Variants in CD96 observed in about 807,000 individuals in gnomAD.
The protein encoded by CD96 is T-cell surface protein tactile.
Under a neutral mutation model 71.3 loss-of-function variants are expected in CD96, and 70 were observed. That is an observed-to-expected ratio of 0.98 (90% CI 0.81 to 1.20). The LOEUF (loss-of-function observed/expected upper bound fraction) is 1.20, where lower values mean the gene tolerates loss of function less well. Among genes scored for constraint, CD96 ranks in the 50% most tolerant of loss-of-function variants. The pLI is 0.00. For missense variants in CD96, 742 were observed against 677.5 expected, an observed-to-expected ratio of 1.10 and a Z score of -1.06; for synonymous variants, 248 against 233.0, an observed-to-expected ratio of 1.06 and a Z score of -0.59.
Position 111,585,342 on chromosome 3 carries a change from G to GGAA in CD96, c.771_772insGAA (p.Val257_Ile258insGlu), listed in dbSNP as rs773005384. 8.1e-6 allele frequency: 13 copies of GGAA among 1,611,490 alleles called. No homozygotes were observed. The highest frequency in any genetic ancestry group is 1.1e-5 in the Non-Finnish European group (13 of 1,177,820). On this transcript the variant is annotated inframe_insertion, in exon 5 of 14. Coordinates refer to ENST00000352690, the MANE Select transcript of CD96 (RefSeq NM_005816.5). ...TTTAAGCTAAACCAGAAATCCCTGT[G>GGAA]ATTGTGGAAAATAACTCCACGGATG...
intron 4 of CD96, among the ~76,000 whole-genome samples, chr3:111,581,985 G>A (rs528299806): frequency 6.6e-6 from 1 of 152,308 alleles, no homozygotes; most frequent in Non-Finnish European, 1.5e-5. Context: ...CATAGGTTTA[G>A]AGCTCATCTT....
intron 8 of CD96, among the ~76,000 whole-genome samples, chr3:111,619,048 A>G (rs1938391435): frequency 6.6e-6 from 1 of 152,206 alleles, no homozygotes; most frequent in Non-Finnish European, 1.5e-5. Flanking sequence ...TAGGTCTTCT[A>G]GCCTTCCTCT....
chr3:111,578,289 G>C (rs568888552), intron 3 of CD96, among the ~76,000 whole-genome samples: 2 of 152,140 alleles, frequency 1.3e-5, no homozygotes, highest in Non-Finnish European at 2.9e-5. Context: ...ATCACAGACC[G>C]AAGAAAGGAT....
At chr3:111,577,775 G>C (rs535746893) in intron 3 of CD96, among the ~76,000 whole-genome samples, 4 of 152,176 alleles carry the variant, frequency 2.6e-5, no homozygotes, top group Admixed American at 1.3e-4. Context: ...CTTGAATGTG[G>C]TTTCCATTTC....
chr3:111,591,147 C>T (rs566521730), intron 5 of CD96, among the ~76,000 whole-genome samples: 31 of 152,078 alleles, frequency 2.0e-4, no homozygotes, highest in Admixed American at 3.9e-4. Flanking sequence ...GGCCGAGGTG[C>T]GCGGATCATG....
chr3:111,646,766 C>A (rs755006674), intron 12 of CD96, among the ~76,000 whole-genome samples: 1 of 151,994 alleles, frequency 6.6e-6, no homozygotes, highest in Non-Finnish European at 1.5e-5. Flanking sequence ...CACATGGACA[C>A]GTATGTTTAT....
At chr3:111,583,467 A>ACT (rs1222273736) in intron 4 of CD96, among the ~76,000 whole-genome samples, 1 of 152,006 alleles carries the variant, frequency 6.6e-6, no homozygotes, top group East Asian at 1.9e-4. Flanking sequence ...CCCATTAGGG[A>ACT]CTCTGTGTGG....
Position 111,554,698 on chromosome 3 carries a change from G to A in CD96, c.418+9296G>A, listed in dbSNP as rs182959105. Among the ~76,000 whole-genome samples the A allele has an allele frequency of 7.9e-5, 12 of 152,168 alleles. No homozygotes were observed. The East Asian group carries it at 2.3e-3, about 29-fold the overall frequency. On this transcript the variant is annotated intron_variant, in intron 2 of 13. Transcript: ENST00000352690. ...TTTGACACTAGGTACCGGCATGGAAGACAACTTTTCCATAGACTGTGGTGG... is the reference window on the plus strand; with the variant it reads ...TTTGACACTAGGTACCGGCATGGAAAACAACTTTTCCATAGACTGTGGTGG...
intron 5 of CD96, among the ~76,000 whole-genome samples, chr3:111,595,707 T>TTA (rs951029868): frequency 6.0e-5 from 9 of 150,694 alleles, no homozygotes; most frequent in African/African-American, 2.2e-4. Context: ...CACATATATA[T>TTA]TATATATATA....
rs1368170045 is a variant in CD96 at position 111,650,416 on chromosome 3, C to G, written c.*610C>G. On this transcript the variant is annotated 3_prime_UTR_variant, in exon 14 of 14. Transcript: ENST00000352690. ...TTCCTACCATGTTCAGCCCAGACTC[C>G]TGCCACATGGACCAGGATGAAGAGG... is the stretch of plus-strand genomic sequence containing the variant. The G allele has an allele frequency of 6.3e-6, 1 of 158,828 alleles. No individual in the cohort carries two copies. The highest frequency in any genetic ancestry group is 2.4e-5 in the African/African-American group (1 of 41,486). The allele number at this position is 158,828 out of a possible 1,614,324, so 9.8% of individuals were successfully genotyped here.
At chr3:111,659,839 A>T (rs1281118266) in intron 14 of CD96, among the ~76,000 whole-genome samples, 1 of 152,222 alleles carries the variant, frequency 6.6e-6, no homozygotes, top group Non-Finnish European at 1.5e-5. Flanking sequence ...TTTCATGAAA[A>T]AATTCCTCAA....
At position 111,647,533 on chromosome 3, in the gene CD96, C is replaced by T. The variant is rs756591700; in HGVS notation, c.1478-10C>T. 1.2e-6 allele frequency: 2 copies of T among 1,610,750 alleles called. No homozygotes were observed. Among genetic ancestry groups the T allele is most frequent in the South Asian group, 1.1e-5 (1 of 91,004 alleles). On this transcript the variant is annotated splice_polypyrimidine_tract_variant and intron_variant, in intron 12 of 13. Coordinates refer to ENST00000352690, the MANE Select transcript of CD96 (RefSeq NM_005816.5). The stretch of plus-strand genomic sequence containing the variant: ...GGATTAAAGTTCATCTTTCTTTATG[C>T]CCTTTTCAGGTATTGTGGTCAATAA...
chr3:111,596,696 A>G (rs1235187600), intron 5 of CD96, among the ~76,000 whole-genome samples: 1 of 152,198 alleles, frequency 6.6e-6, no homozygotes, highest in Non-Finnish European at 1.5e-5. Context: ...CTGGAGATAA[A>G]AATCAATCTT....
At chr3:111,604,504 T>C (rs1022351653) in intron 7 of CD96, among the ~76,000 whole-genome samples, 1 of 152,234 alleles carries the variant, frequency 6.6e-6, no homozygotes, top group Non-Finnish European at 1.5e-5. Context: ...CATGTTTAGG[T>C]CCCACATTTT....
chr3:111,588,199 A>G (rs4682290), intron 5 of CD96, among the ~76,000 whole-genome samples: 63,312 of 152,022 alleles, frequency 0.42, 14,759 homozygotes, highest in South Asian at 0.52. Context: ...TACCTCTTGC[A>G]TGCTTTGCTG....
intron 7 of CD96, among the ~76,000 whole-genome samples, chr3:111,605,776 A>G (rs1001927160): frequency 1.2e-4 from 18 of 152,240 alleles, no homozygotes; most frequent in African/African-American, 4.1e-4. Flanking sequence ...CAAGTGACAT[A>G]ATGTAAGTAA....
chr3:111,644,927 T>C (rs1939758133), intron 12 of CD96, among the ~76,000 whole-genome samples: 5 of 152,166 alleles, frequency 3.3e-5, no homozygotes, highest in Admixed American at 3.3e-4. Flanking sequence ...TGTAAACTAG[T>C]ACAGCCACTA....
chr3:111,624,522 A>G lies in CD96; in HGVS notation c.1321+118A>G, dbSNP rs572082103. ...TAATATTTGCAAATGTTCACAAAGC[A>G]TCTATCATGTTTAAAGTATTGTTGT... On this transcript the variant is annotated intron_variant, in intron 10 of 13. Transcript: ENST00000352690. 2.3e-3 allele frequency: 1,719 copies of G among 734,934 alleles called. 4 individuals carry two copies. The highest frequency in any genetic ancestry group is 3.2e-3 in the Non-Finnish European group (1,296 of 405,562). The allele number at this position is 734,934 out of a possible 1,614,324, so 45.5% of individuals were successfully genotyped here.
rs1553713921 is a variant in CD96, at chr3:111,651,896, A to AAAAGAAAGAAAGAAAGAAAGAAAGAAAG, written c.*2117_*2118insGAAAGAAAGAAAGAAAGAAAGAAAGAAA. 5 of 146,386 alleles carry AAAAGAAAGAAAGAAAGAAAGAAAGAAAG rather than the reference A, an allele frequency of 3.4e-5. No homozygotes were observed. The highest frequency in any genetic ancestry group is 1.3e-4 in the African/African-American group (5 of 39,320). The allele number at this position is 146,386 out of a possible 1,614,324, so 9.1% of individuals were successfully genotyped here. ...GAGACTCCGCCTCAAAAAAAAAAAA[A>AAAAGAAAGAAAGAAAGAAAGAAAGAAAG]AAAGAAAGAAAGAAAGAAAGAAAGA... On this transcript the variant is annotated 3_prime_UTR_variant, in exon 14 of 14. Transcript: ENST00000352690.
Sources: gnomAD v4.1 joint callset for allele counts (sites outside exome capture counted in the v4.1 genomes callset) on GRCh38, gnomAD v4.1.1 for gene constraint, MANE v1.5 for transcripts, NCBI Gene and HGNC (gene_info 2026-07-23, HGNC 2026-07-21) for gene names.